Variants in FRAS1 observed in about 807,000 individuals in gnomAD.
The protein encoded by FRAS1 is extracellular matrix organizing protein FRAS1.
In FRAS1, 290 loss-of-function variants were observed where a neutral mutation model predicts 435.2. The observed-to-expected ratio is 0.67, with a 90% CI of 0.61 to 0.73. The LOEUF (loss-of-function observed/expected upper bound fraction) is 0.73. Ranked by LOEUF, FRAS1 falls within the 30% of genes least tolerant of loss-of-function variation. FRAS1 has a pLI of 0.00. For synonymous variants in FRAS1, 1,800 were observed against 1,851.0 expected (o/e 0.97, Z 0.71); for missense variants, 4,860 against 5,001.5 (o/e 0.97, Z 0.85).
intron 2 of FRAS1, among the ~76,000 whole-genome samples, chr4:78,198,144 C>G (rs372861891): frequency 6.6e-6 from 1 of 152,178 alleles, no homozygotes; most frequent in Non-Finnish European, 1.5e-5. Context: ...CCTCTTTTCA[C>G]TTTCAATCTC....
At chr4:78,123,456 G>A (rs563290370) in intron 2 of FRAS1, among the ~76,000 whole-genome samples, 157 of 152,290 alleles carry the variant, frequency 1.0e-3, no homozygotes, top group African/African-American at 3.6e-3. Context: ...TCATGGCTAT[G>A]CAGGCTCTTT....
At chr4:78,320,175 C>T (rs1355985166) in intron 18 of FRAS1, among the ~76,000 whole-genome samples, 1 of 152,198 alleles carries the variant, frequency 6.6e-6, no homozygotes, top group Admixed American at 6.5e-5. Flanking sequence ...GGAAGGTCAC[C>T]ACTCTCCAGA....
At chr4:78,361,493 A>G (rs1249135779) in intron 20 of FRAS1, among the ~76,000 whole-genome samples, 1 of 152,226 alleles carries the variant, frequency 6.6e-6, no homozygotes, top group Non-Finnish European at 1.5e-5. Flanking sequence ...CAAAACAATC[A>G]GCATTTTTGA....
At chr4:78,191,747 T>G (rs1048032380) in intron 2 of FRAS1, among the ~76,000 whole-genome samples, 7 of 151,986 alleles carry the variant, frequency 4.6e-5, no homozygotes, top group African/African-American at 1.4e-4. Flanking sequence ...TGTGTCCATG[T>G]GTTCTCATTG....
rs751704490 is a variant in FRAS1 at position 78,229,306 on chromosome 4, GT to G, written c.109-8188del. ...ACCCAGAGGTGCCCTCTTTGTCCTTGTTTTTTTTTTTTTTTTCTTTGTAAAA... is the reference window on the plus strand; with the variant it reads ...ACCCAGAGGTGCCCTCTTTGTCCTTGTTTTTTTTTTTTTTTCTTTGTAAAA... On this transcript the variant is annotated intron_variant, in intron 2 of 73. Transcript: ENST00000512123. Among the ~76,000 whole-genome samples the G allele has an allele frequency of 6.6e-3, 887 of 133,642 alleles. 4 individuals are homozygous for G. The highest frequency in any genetic ancestry group is 0.015 in the African/African-American group (569 of 36,762). 87.7% of individuals were successfully genotyped at this position (133,642 alleles called of 152,430 possible).
At chr4:78,481,986 C>G in intron 57 of FRAS1, 22 bp downstream of exon 57, 1 of 1,607,796 alleles carries the variant, frequency 6.2e-7, no homozygotes, top group Non-Finnish European at 8.5e-7. Context: ...GCAGTCGAGA[C>G]TCCACAAAGT....
At position 78,379,932 on chromosome 4, in the gene FRAS1, C is replaced by T. The variant is rs373504897; in HGVS notation, c.3499C>T (p.Arg1167Cys). ...GKEVQLDKAG[R>C]FSWKDVNEKK... The stretch of plus-strand genomic sequence containing the variant: ...AGAGGTTCAGCTGGACAAGGCTGGC[C>T]GTTTTAGCTGGAAAGATGTGAACGA... Residue 1167 changes from arginine (R) to cysteine (C), a missense_variant, in exon 27 of 74, where the codon CGT becomes TGT. Coordinates refer to ENST00000512123, the MANE Select transcript of FRAS1 (RefSeq NM_025074.7). 39 of 1,613,664 alleles carry T rather than the reference C, an allele frequency of 2.4e-5. No homozygotes were observed. Among genetic ancestry groups the T allele is most frequent in the Non-Finnish European group, 3.1e-5 (37 of 1,179,836 alleles).
chr4:78,401,006 A>G lies in FRAS1; in HGVS notation c.4129+119A>G, dbSNP rs114280868. On this transcript the variant is annotated intron_variant, in intron 30 of 73. Transcript: ENST00000512123. The stretch of plus-strand genomic sequence containing the variant: ...AATGAACTGAGCTTTCTAATACCTT[A>G]CAAATCCCCTTTAAAAACAGAATAA... 5.2e-4 allele frequency: 426 copies of G among 824,406 alleles called. 2 individuals carry two copies. In the African/African-American group the frequency reaches 6.7e-3, roughly 13 times the overall value. The allele number at this position is 824,406 out of a possible 1,614,324, so 51.1% of individuals were successfully genotyped here.
At chr4:78,180,470 G>T (rs1277661797) in intron 2 of FRAS1, among the ~76,000 whole-genome samples, 1 of 152,164 alleles carries the variant, frequency 6.6e-6, no homozygotes, top group East Asian at 1.9e-4. Context: ...AAACCAGTTT[G>T]TAATTGGGGG....
chr4:78,445,639 A>G lies in FRAS1; in HGVS notation c.5783A>G (p.His1928Arg), dbSNP rs1471365312. 1.2e-6 allele frequency: 2 copies of G among 1,613,882 alleles called. No individual in the cohort carries two copies. Among genetic ancestry groups the G allele is most frequent in the Non-Finnish European group, 8.5e-7 (1 of 1,179,838 alleles). Reference protein sequence around the residue: ...QSVHESIEPTHDIFSFYVSDG... With the variant: ...QSVHESIEPTRDIFSFYVSDG... Reference sequence around the variant, plus strand: ...GTTCATGAAAGCATTGAGCCAACCCATGATATTTTTAGTTTTTATGTGAGT... The same window carrying G: ...GTTCATGAAAGCATTGAGCCAACCCGTGATATTTTTAGTTTTTATGTGAGT... The change falls in exon 42 of 74, where the codon CAT (histidine) becomes CGT (arginine). Residue 1928 changes from histidine to arginine, a missense_variant. By Grantham distance (29) the His-to-Arg change is conservative. Transcript: ENST00000512123.
At chr4:78,099,108 T>C (rs770197801) in intron 2 of FRAS1, among the ~76,000 whole-genome samples, 2 of 152,192 alleles carry the variant, frequency 1.3e-5, no homozygotes, top group Non-Finnish European at 2.9e-5. Flanking sequence ...AGGGCTCCCC[T>C]GGTATTGCAA....
intron 2 of FRAS1, among the ~76,000 whole-genome samples, chr4:78,174,551 A>G (rs1721685341): frequency 6.6e-6 from 1 of 152,308 alleles, no homozygotes; most frequent in Non-Finnish European, 1.5e-5. Context: ...GAAGGGAGGG[A>G]AAAGATAGAA....
intron 2 of FRAS1, among the ~76,000 whole-genome samples, chr4:78,100,624 T>G (rs1742074852): frequency 6.6e-6 from 1 of 152,246 alleles, no homozygotes; most frequent in South Asian, 2.1e-4. Context: ...GCCCTGCCTT[T>G]GTTTTTATTA....
At chr4:78,146,530 G>A (rs1345859827) in intron 2 of FRAS1, among the ~76,000 whole-genome samples, 2 of 151,836 alleles carry the variant, frequency 1.3e-5, no homozygotes, top group South Asian at 2.1e-4. Context: ...AAAACATAGC[G>A]AGAATAGTAC....
rs970962049 is a variant in FRAS1 at position 78,112,898 on chromosome 4, A to G, written c.108+46882A>G. Among the ~76,000 whole-genome samples the G allele has an allele frequency of 2.6e-5, 4 of 152,248 alleles. No homozygotes were observed. In the East Asian group the frequency reaches 7.7e-4, roughly 29 times the overall value. On this transcript the variant is annotated intron_variant, in intron 2 of 73. Coordinates refer to ENST00000512123, the MANE Select transcript of FRAS1 (RefSeq NM_025074.7). ...ACGTGCAGGTTTGTTTCATATGTAT[A>G]CATGTGCCATATTGGTGTGCTGCAC...
intron 18 of FRAS1, among the ~76,000 whole-genome samples, chr4:78,328,343 G>A (rs1729798885): frequency 6.6e-6 from 1 of 152,182 alleles, no homozygotes. Context: ...AACAGGAAGA[G>A]CTAGGGATTT....
At chr4:78,434,582 T>A (rs541645604) in intron 38 of FRAS1, among the ~76,000 whole-genome samples, 2 of 152,178 alleles carry the variant, frequency 1.3e-5, no homozygotes, top group Non-Finnish European at 2.9e-5. Context: ...TATGAGTAAA[T>A]GTAACAAAAG....
chr4:78,247,570 C>T (rs73827910), intron 4 of FRAS1, among the ~76,000 whole-genome samples: 2,127 of 152,242 alleles, frequency 0.014, 57 homozygotes, highest in African/African-American at 0.048. Flanking sequence ...ACCAAACACT[C>T]CTTAGTGCAT....
intron 2 of FRAS1, among the ~76,000 whole-genome samples, chr4:78,175,336 TC>T (rs1335088472): frequency 6.6e-6 from 1 of 152,210 alleles, no homozygotes; most frequent in Non-Finnish European, 1.5e-5. Context: ...CTGGAGAGAC[TC>T]CCAGGAGTTT....
Sources: gnomAD v4.1 joint callset for allele counts (sites outside exome capture counted in the v4.1 genomes callset) on GRCh38, gnomAD v4.1.1 for gene constraint, MANE v1.5 for transcripts, NCBI Gene and HGNC (gene_info 2026-07-23, HGNC 2026-07-21) for gene names.